Variants in PARD3 observed in about 807,000 individuals in gnomAD.
The protein encoded by PARD3 is par-3 family cell polarity regulator.
In PARD3, 75 loss-of-function variants were observed where a neutral mutation model predicts 155.4. That is an observed-to-expected ratio of 0.48 (90% CI 0.40 to 0.58). The LOEUF (loss-of-function observed/expected upper bound fraction) is 0.58. PARD3 is among the 20% of genes least tolerant of loss of function. The probability of loss-of-function intolerance (pLI) is 0.00; values close to 1 mark genes in which losing one functional copy is unlikely to be tolerated. For missense variants in PARD3, 1,642 were observed against 1,721.7 expected, an observed-to-expected ratio of 0.95 and a Z score of 0.82; for synonymous variants, 576 against 610.5, an observed-to-expected ratio of 0.94 and a Z score of 0.83.
At chr10:34,696,172 T>C (rs766756030) in intron 2 of PARD3, 146 bp downstream of exon 2, 5 of 547,066 alleles carry the variant, frequency 9.1e-6, no homozygotes, top group African/African-American at 5.7e-5. Flanking sequence ...ATGATACTTA[T>C]TATAAAAGAA....
intron 12 of PARD3, among the ~76,000 whole-genome samples, chr10:34,362,243 G>A (rs1839520422): frequency 1.3e-5 from 2 of 152,134 alleles, no homozygotes; most frequent in Non-Finnish European, 1.5e-5. Flanking sequence ...ACCTTGCAGT[G>A]AGTGGAGACC....
chr10:34,562,786 T>C (rs2085608749), intron 2 of PARD3, among the ~76,000 whole-genome samples: 1 of 151,886 alleles, frequency 6.6e-6, no homozygotes, highest in Admixed American at 6.6e-5. Context: ...CTAAGTACAG[T>C]GTCTCACTCT....
At chr10:34,273,320 A>C (rs1188657258) in intron 21 of PARD3, among the ~76,000 whole-genome samples, 1 of 152,250 alleles carries the variant, frequency 6.6e-6, no homozygotes, top group African/African-American at 2.4e-5. Flanking sequence ...ACAAATGAAC[A>C]AACTACTGAT....
At chr10:34,548,687 G>A (rs2084303395) in intron 2 of PARD3, among the ~76,000 whole-genome samples, 2 of 151,754 alleles carry the variant, frequency 1.3e-5, no homozygotes, top group Non-Finnish European at 1.5e-5. Flanking sequence ...CTCTTCTGTG[G>A]GGAAACTTGC....
chr10:34,181,687 C>T (rs1385918681), intron 22 of PARD3, among the ~76,000 whole-genome samples: 1 of 152,032 alleles, frequency 6.6e-6, no homozygotes, highest in Non-Finnish European at 1.5e-5. Context: ...AACAGGTAGC[C>T]AGTCATCTTT....
At chr10:34,574,694 G>A (rs1327941160) in intron 2 of PARD3, among the ~76,000 whole-genome samples, 2 of 152,152 alleles carry the variant, frequency 1.3e-5, no homozygotes, top group Admixed American at 6.5e-5. Flanking sequence ...ATTTACGGCA[G>A]TGTTCCCTTT....
chr10:34,186,336 G>C (rs886376532), intron 22 of PARD3, among the ~76,000 whole-genome samples: 8 of 149,022 alleles, frequency 5.4e-5, no homozygotes, highest in African/African-American at 2.0e-4. Context: ...CTCCAGCCTG[G>C]GTGACAGAAT....
chr10:34,395,434 AG>A (rs1228054145), intron 7 of PARD3, among the ~76,000 whole-genome samples: 3 of 152,240 alleles, frequency 2.0e-5, no homozygotes, highest in Admixed American at 6.5e-5. Context: ...TTTTCTACTA[AG>A]AAAATAATTT....
chr10:34,345,864 G>T (rs1020978183), intron 15 of PARD3: 1 of 984,906 alleles, frequency 1.0e-6, no homozygotes, highest in African/African-American at 1.7e-5. Context: ...ACTAGAATAA[G>T]GACTGACAAA....
chr10:34,248,032 AT>A (rs1954071452), intron 22 of PARD3, among the ~76,000 whole-genome samples: 1 of 152,188 alleles, frequency 6.6e-6, no homozygotes, highest in Admixed American at 6.5e-5. Context: ...TTTCTAGATC[AT>A]TTCACATACC....
At chr10:34,693,567 C>T (rs1420169984) in intron 2 of PARD3, among the ~76,000 whole-genome samples, 1 of 152,196 alleles carries the variant, frequency 6.6e-6, no homozygotes, top group Admixed American at 6.5e-5. Flanking sequence ...GCAGGGCCTA[C>T]TTGAAGAGGG....
chr10:34,190,830 T>TG (rs1321637238), intron 22 of PARD3, among the ~76,000 whole-genome samples: 1 of 152,024 alleles, frequency 6.6e-6, no homozygotes, highest in Non-Finnish European at 1.5e-5. Flanking sequence ...CAGGCCAACT[T>TG]GGAGGATGCC....
chr10:34,227,789 A>G (rs901753475), intron 22 of PARD3, among the ~76,000 whole-genome samples: 5 of 146,666 alleles, frequency 3.4e-5, no homozygotes, highest in Admixed American at 1.4e-4. Context: ...ACTTAGAGCT[A>G]CCATTCAACT....
chr10:34,376,577 T>G (rs776878329), intron 10 of PARD3, among the ~76,000 whole-genome samples: 2 of 152,186 alleles, frequency 1.3e-5, no homozygotes, highest in Admixed American at 1.3e-4. Context: ...CCTAACATAA[T>G]TTGTACTCAA....
intron 1 of PARD3, among the ~76,000 whole-genome samples, chr10:34,768,054 A>G (rs1379128318): frequency 6.6e-6 from 1 of 152,196 alleles, no homozygotes; most frequent in Non-Finnish European, 1.5e-5. Flanking sequence ...CTATTTTTCA[A>G]CATCTCCTTA....
At chr10:34,655,245 A>T (rs2093133475) in intron 2 of PARD3, among the ~76,000 whole-genome samples, 1 of 152,076 alleles carries the variant, frequency 6.6e-6, no homozygotes, top group African/African-American at 2.4e-5. Context: ...TGGAGTTCGA[A>T]TTGTATGCAA....
At chr10:34,272,985 T>C (rs1318722571) in intron 21 of PARD3, among the ~76,000 whole-genome samples, 1 of 152,188 alleles carries the variant, frequency 6.6e-6, no homozygotes, top group African/African-American at 2.4e-5. Flanking sequence ...GCCATGAATG[T>C]AGGGAAACCG....
chr10:34,287,518 G>A (rs1564550108), intron 20 of PARD3, among the ~76,000 whole-genome samples: 3 of 151,772 alleles, frequency 2.0e-5, no homozygotes, highest in Non-Finnish European at 4.4e-5. Context: ...GTGTACATAT[G>A]CTCCTTTAGT....
chr10:34,117,543 G>A (rs1428477469), intron 24 of PARD3, among the ~76,000 whole-genome samples: 1 of 152,194 alleles, frequency 6.6e-6, no homozygotes, highest in African/African-American at 2.4e-5. Context: ...GATTCACTGG[G>A]TTGATTCACA....
Sources: gnomAD v4.1 joint callset for allele counts (sites outside exome capture counted in the v4.1 genomes callset) on GRCh38, gnomAD v4.1.1 for gene constraint, MANE v1.5 for transcripts, NCBI Gene and HGNC (gene_info 2026-07-23, HGNC 2026-07-21) for gene names.